Variants in GALM observed in about 807,000 individuals in gnomAD.
GALM encodes aldose 1-epimerase.
Under a neutral mutation model 37.4 loss-of-function variants are expected in GALM, and 43 were observed. The observed-to-expected ratio is 1.15, with a 90% CI of 0.90 to 1.48. GALM has a LOEUF of 1.48. Ranked by LOEUF, GALM falls within the 40% of genes most tolerant of loss-of-function variation. GALM has a pLI of 0.00. For missense variants in GALM, 456 were observed against 419.1 expected (o/e 1.09, Z -0.77); for synonymous variants, 199 against 170.6 (o/e 1.17, Z -1.30).
chr2:38,706,652 G>A (rs1358583416), intron 4 of GALM, among the ~76,000 whole-genome samples: 2 of 151,694 alleles, frequency 1.3e-5, no homozygotes, highest in South Asian at 4.2e-4. Flanking sequence ...GGTGACAGAG[G>A]GAGATTCTGT....
chr2:38,676,105 A>T (rs766326075), intron 2 of GALM, 39 bp downstream of exon 2: 1 of 1,603,622 alleles, frequency 6.2e-7, no homozygotes, highest in Non-Finnish European at 8.5e-7. Context: ...CTTTAGGCTC[A>T]CTTTACGCAT....
In GALM at chr2:38,700,743, G is replaced by A. The variant is rs183096051; in HGVS notation, c.634+10849G>A. ...ACATTCAAGATTATTATTGATAGGT[G>A]AGGACTTCTGTCATTTTGTTAATTA... is the stretch of plus-strand genomic sequence containing the variant. On this transcript the variant is annotated intron_variant, in intron 4 of 6. Coordinates refer to ENST00000272252, the MANE Select transcript of GALM (RefSeq NM_138801.3). Among the ~76,000 whole-genome samples the A allele has an allele frequency of 1.4e-4, 21 of 152,200 alleles. No individual in the cohort carries two copies. In the East Asian group the frequency reaches 4.1e-3, roughly 29 times the overall value.
At chr2:38,687,339 G>C (rs544721263) in intron 3 of GALM, among the ~76,000 whole-genome samples, 139 of 152,308 alleles carry the variant, frequency 9.1e-4, no homozygotes, top group Non-Finnish European at 1.5e-3. Context: ...GCAGAGGAGA[G>C]GCCTTTGCCC....
At chr2:38,668,172 G>A (rs549290934) in intron 1 of GALM, 1 of 152,144 alleles carries the variant, frequency 6.6e-6, no homozygotes, top group South Asian at 2.1e-4. Context: ...AAATAAATTT[G>A]TTTGGCTTTT....
chr2:38,672,277 T>A (rs1033707857), intron 1 of GALM, among the ~76,000 whole-genome samples: 2 of 152,218 alleles, frequency 1.3e-5, no homozygotes, highest in African/African-American at 2.4e-5. Flanking sequence ...CAAAAATCTC[T>A]ACAGTCAAAC....
intron 4 of GALM, among the ~76,000 whole-genome samples, chr2:38,725,218 C>CT (rs969606222): frequency 6.6e-6 from 1 of 151,974 alleles, no homozygotes; most frequent in African/African-American, 2.4e-5. Flanking sequence ...AGAATACCTG[C>CT]TTTTTTTTCC....
At chr2:38,703,306 A>C (rs1665968480) in intron 4 of GALM, among the ~76,000 whole-genome samples, 1 of 150,112 alleles carries the variant, frequency 6.7e-6, no homozygotes. Flanking sequence ...AGGTTTCTTC[A>C]TGTTGGTCAG....
chr2:38,727,891 G>A (rs1666520098), intron 4 of GALM, among the ~76,000 whole-genome samples: 1 of 152,076 alleles, frequency 6.6e-6, no homozygotes, highest in African/African-American at 2.4e-5. Flanking sequence ...TAATGGTAAG[G>A]TACAAGTTCC....
At position 38,675,941 on chromosome 2, in the gene GALM, G is replaced by C; in HGVS notation, c.220G>C (p.Ala74Pro). The change falls in exon 2 of 7, where the codon GCA (alanine) becomes CCA (proline). Residue 74 changes from alanine (A) to proline (P), a missense_variant. Physicochemically the swap from Ala to Pro is conservative, Grantham distance 27. Coordinates refer to ENST00000272252, the MANE Select transcript of GALM (RefSeq NM_138801.3). Reference protein sequence around the residue: ...GYLQKQPYFGAVIGRVANRIA... With the variant: ...GYLQKQPYFGPVIGRVANRIA... ...CCTCCAAAAGCAGCCATACTTTGGA[G>C]CAGTTATTGGGAGGGTGGCCAACCG... 6.2e-7 allele frequency: 1 copy of C among 1,614,070 alleles called. No homozygotes were observed. Among genetic ancestry groups the C allele is most frequent in the Non-Finnish European group, 8.5e-7 (1 of 1,180,002 alleles).
chr2:38,729,356 T>A (rs1464840209), intron 4 of GALM, among the ~76,000 whole-genome samples, 200 bp from the exon 5 acceptor site: 1 of 136,044 alleles, frequency 7.4e-6, no homozygotes, highest in African/African-American at 2.6e-5. Flanking sequence ...CCTGGCTAAT[T>A]TTTTACATTT....
At chr2:38,727,342 G>A (rs1481234887) in intron 4 of GALM, among the ~76,000 whole-genome samples, 1 of 152,020 alleles carries the variant, frequency 6.6e-6, no homozygotes, top group Admixed American at 6.6e-5. Flanking sequence ...TGAGTGCTTC[G>A]TACCTAGGCA....
At chr2:38,694,249 A>G (rs1182787621) in intron 4 of GALM, among the ~76,000 whole-genome samples, 1 of 152,186 alleles carries the variant, frequency 6.6e-6, no homozygotes, top group African/African-American at 2.4e-5. Context: ...AGAAAAGAAA[A>G]GTAAATTAAT....
intron 1 of GALM, chr2:38,668,922 G>A (rs1202824525): frequency 6.6e-6 from 1 of 152,070 alleles, no homozygotes; most frequent in Non-Finnish European, 1.5e-5. Context: ...CATGAGACAT[G>A]GTCCTTTTGT....
At chr2:38,672,030 GA>G (rs897210954) in intron 1 of GALM, among the ~76,000 whole-genome samples, 76 of 144,572 alleles carry the variant, frequency 5.3e-4, no homozygotes, top group African/African-American at 1.2e-3. Flanking sequence ...TAATTATGGG[GA>G]AAAAAAAAAA....
intron 4 of GALM, among the ~76,000 whole-genome samples, chr2:38,705,103 T>C (rs556290780): frequency 3.3e-5 from 5 of 152,298 alleles, no homozygotes; most frequent in South Asian, 4.1e-4. Context: ...TCAGTGAATT[T>C]GTCAGAAGGG....
intron 3 of GALM, among the ~76,000 whole-genome samples, chr2:38,687,708 C>T (rs1221088768): frequency 6.7e-6 from 1 of 149,438 alleles, no homozygotes; most frequent in Non-Finnish European, 1.5e-5. Flanking sequence ...AAGACTCTGC[C>T]TCCGAAAAAA....
intron 3 of GALM, among the ~76,000 whole-genome samples, chr2:38,683,436 C>T (rs910884939): frequency 5.3e-5 from 8 of 152,104 alleles, no homozygotes; most frequent in African/African-American, 1.7e-4. Flanking sequence ...GGAATATTTG[C>T]GTTATATATA....
intron 2 of GALM, among the ~76,000 whole-genome samples, chr2:38,676,270 C>G (rs1477087138): frequency 2.6e-5 from 4 of 151,990 alleles, no homozygotes; most frequent in Non-Finnish European, 4.4e-5. Flanking sequence ...GACAGGGGAG[C>G]CCCAAGAGAA....
At chr2:38,670,565 A>G (rs1665075176) in intron 1 of GALM, among the ~76,000 whole-genome samples, 1 of 152,134 alleles carries the variant, frequency 6.6e-6, no homozygotes, top group Non-Finnish European at 1.5e-5. Context: ...AACTCTCCAG[A>G]CCTATTTTCT....
Sources: allele counts gnomAD v4.1 joint callset (sites outside exome capture counted in the v4.1 genomes callset), GRCh38; gene constraint gnomAD v4.1.1; transcripts MANE v1.5; gene names NCBI Gene and HGNC (gene_info 2026-07-23, HGNC 2026-07-21).